Variants in MACROD2 observed in about 807,000 individuals in gnomAD.
MACROD2 encodes the protein mono-ADP ribosylhydrolase 2, also known as ADP-ribose glycohydrolase MACROD2.
MACROD2 carries 36 observed loss-of-function variants against 70.4 expected under a neutral mutation model. The ratio of observed to expected loss-of-function variants is 0.51; its 90% CI spans 0.39 to 0.68. MACROD2 has a LOEUF of 0.68. Ranked by LOEUF, MACROD2 falls within the 30% of genes least tolerant of loss-of-function variation. The probability of loss-of-function intolerance (pLI) is 0.00; values close to 1 mark genes in which losing one functional copy is unlikely to be tolerated. For synonymous variants in MACROD2, 172 were observed against 178.8 expected, an observed-to-expected ratio of 0.96 and a Z score of 0.30; for missense variants, 496 against 538.4, an observed-to-expected ratio of 0.92 and a Z score of 0.78.
intron 8 of MACROD2, among the ~76,000 whole-genome samples, chr20:15,679,604 C>T (rs1226469815): frequency 6.6e-6 from 1 of 152,214 alleles, no homozygotes; most frequent in Non-Finnish European, 1.5e-5. Flanking sequence ...TCTGATTTAG[C>T]ACTCTCAGAG....
At chr20:15,714,225 T>C (rs2050674848) in intron 8 of MACROD2, among the ~76,000 whole-genome samples, 1 of 152,188 alleles carries the variant, frequency 6.6e-6, no homozygotes, top group Admixed American at 6.5e-5. Flanking sequence ...AGAACTAAGA[T>C]GATTTAAGTA....
At chr20:15,829,326 C>T (rs1022774796) in intron 8 of MACROD2, among the ~76,000 whole-genome samples, 2 of 152,192 alleles carry the variant, frequency 1.3e-5, no homozygotes, top group African/African-American at 4.8e-5. Flanking sequence ...ATTGCAGCAA[C>T]TTATCAGTAG....
chr20:14,912,486 G>A (rs1012366424), intron 5 of MACROD2, among the ~76,000 whole-genome samples: 1 of 152,136 alleles, frequency 6.6e-6, no homozygotes, highest in Non-Finnish European at 1.5e-5. Flanking sequence ...CAAGTTTCCT[G>A]TTGGGGCATG....
rs150932123 is a variant in MACROD2, at chr20:15,842,664, T to G, written c.646-20081T>G. On this transcript the variant is annotated intron_variant, in intron 8 of 17. Coordinates refer to ENST00000684519, the MANE Select transcript of MACROD2 (RefSeq NM_001351661.2). The stretch of plus-strand genomic sequence containing the variant: ...TGTTACTCATTTTTGATGCTTGGAT[T>G]AGAAAGATGGATGTACGGATAGATG... Among the ~76,000 whole-genome samples the G allele has an allele frequency of 7.0e-4, 106 of 151,868 alleles. 1 individual carries two copies. In the East Asian group the frequency reaches 0.019, roughly 27 times the overall value.
At position 14,862,049 on chromosome 20, in the gene MACROD2, A is replaced by ATATATATT. The variant is rs2073331389; in HGVS notation, c.418+177091_418+177092insATATATTT. On this transcript the variant is annotated intron_variant, in intron 5 of 17. Transcript: ENST00000684519. The stretch of plus-strand genomic sequence containing the variant: ...TATATTTATATATATTTATATATAT[A>ATATATATT]TTTATATATATATAAATATATATAA... 4.0e-3 allele frequency among the ~76,000 whole-genome samples: 44 copies of ATATATATT among 10,972 alleles called. 1 individual carries two copies. The highest frequency in any genetic ancestry group is 0.12 in the Middle Eastern group (1 of 8). The allele number at this position is 10,972 out of a possible 152,430, so 7.2% of individuals were successfully genotyped here.
chr20:15,794,983 G>A (rs2063660062), intron 8 of MACROD2, among the ~76,000 whole-genome samples: 1 of 151,942 alleles, frequency 6.6e-6, no homozygotes, highest in Non-Finnish European at 1.5e-5. Context: ...CACCCAACCA[G>A]TCTGCTGTTA....
intron 7 of MACROD2, among the ~76,000 whole-genome samples, chr20:15,471,203 T>C (rs1342697324): frequency 6.6e-6 from 1 of 152,210 alleles, no homozygotes; most frequent in Non-Finnish European, 1.5e-5. Flanking sequence ...TATTTTCCCA[T>C]CACACATGCT....
At chr20:15,505,993 G>A (rs1441470381) in intron 8 of MACROD2, among the ~76,000 whole-genome samples, 1 of 152,132 alleles carries the variant, frequency 6.6e-6, no homozygotes, top group African/African-American at 2.4e-5. Context: ...CTGTGGTATT[G>A]CTGTTTGTCA....
chr20:14,924,367 A>G (rs1376547250), intron 5 of MACROD2, among the ~76,000 whole-genome samples: 2 of 152,106 alleles, frequency 1.3e-5, no homozygotes, highest in African/African-American at 4.8e-5. Flanking sequence ...TGAACCTGGA[A>G]GGTGGAGGTT....
chr20:14,863,704 C>T (rs1033691789), intron 5 of MACROD2, among the ~76,000 whole-genome samples: 1 of 151,980 alleles, frequency 6.6e-6, no homozygotes, highest in African/African-American at 2.4e-5. Flanking sequence ...GCCACTATTG[C>T]TAAGAGCTTT....
intron 5 of MACROD2, among the ~76,000 whole-genome samples, chr20:14,998,358 A>C (rs2074967394): frequency 6.6e-6 from 1 of 152,198 alleles, no homozygotes; most frequent in African/African-American, 2.4e-5. Context: ...GAAGAAGCTC[A>C]GTGAAATTCA....
At chr20:14,738,264 A>C (rs1321853493) in intron 5 of MACROD2, among the ~76,000 whole-genome samples, 1 of 152,120 alleles carries the variant, frequency 6.6e-6, no homozygotes, top group Non-Finnish European at 1.5e-5. Context: ...TGCAAGGTAA[A>C]AGATGTCTAA....
chr20:14,364,220 A>G (rs920589790), intron 3 of MACROD2, among the ~76,000 whole-genome samples: 1 of 152,218 alleles, frequency 6.6e-6, no homozygotes, highest in African/African-American at 2.4e-5. Context: ...TCCAAACAGA[A>G]AAATTGATTT....
At chr20:14,765,754 G>A (rs995546813) in intron 5 of MACROD2, among the ~76,000 whole-genome samples, 2 of 152,074 alleles carry the variant, frequency 1.3e-5, no homozygotes, top group Non-Finnish European at 2.9e-5. Context: ...TCTGGATGAA[G>A]TAGGTTGGAA....
intron 6 of MACROD2, among the ~76,000 whole-genome samples, chr20:15,230,754 AT>A (rs2076953009): frequency 6.6e-6 from 1 of 152,020 alleles, no homozygotes; most frequent in South Asian, 2.1e-4. Flanking sequence ...ATTTGGAGGT[AT>A]TTACTCACCT....
chr20:15,122,818 A>G (rs183261092), intron 5 of MACROD2, among the ~76,000 whole-genome samples: 51 of 152,294 alleles, frequency 3.3e-4, no homozygotes, highest in African/African-American at 1.2e-3. Context: ...GTGGTCTCTG[A>G]ACTGCAAAGA....
chr20:15,841,342 TAAAG>T (rs1345630691), intron 8 of MACROD2, among the ~76,000 whole-genome samples: 1 of 152,054 alleles, frequency 6.6e-6, no homozygotes, highest in Non-Finnish European at 1.5e-5. Flanking sequence ...CACATCGCCA[TAAAG>T]AAATACCTGA....
At chr20:15,126,310 G>A (rs967316279) in intron 5 of MACROD2, among the ~76,000 whole-genome samples, 3 of 151,752 alleles carry the variant, frequency 2.0e-5, no homozygotes, top group East Asian at 1.9e-4. Flanking sequence ...CAGCAGCAGC[G>A]ACGTATGCAA....
At chr20:14,799,647 T>G (rs76220407) in intron 5 of MACROD2, among the ~76,000 whole-genome samples, 1,555 of 152,174 alleles carry the variant, frequency 0.01, 28 homozygotes, top group African/African-American at 0.035. Context: ...TAGAAGTTGC[T>G]CTGAGGAGAT....
Sources: gnomAD v4.1 joint callset for allele counts (sites outside exome capture counted in the v4.1 genomes callset) on GRCh38, gnomAD v4.1.1 for gene constraint, MANE v1.5 for transcripts, NCBI Gene and HGNC (gene_info 2026-07-23, HGNC 2026-07-21) for gene names.